Variants in SLC8A1 observed in about 807,000 individuals in gnomAD.
SLC8A1 encodes the protein sodium/calcium exchanger 1.
A neutral mutation model predicts 68.3 loss-of-function variants in SLC8A1; 18 were observed. The observed-to-expected ratio is 0.26, with a 90% CI of 0.18 to 0.39. The LOEUF (loss-of-function observed/expected upper bound fraction) is 0.39, where lower values mean the gene tolerates loss of function less well. Ranked by LOEUF, SLC8A1 falls within the 10% of genes least tolerant of loss-of-function variation. The pLI is 1.00. For synonymous variants in SLC8A1, 475 were observed against 415.5 expected (o/e 1.14, Z -1.74); for missense variants, 985 against 1,156.7 (o/e 0.85, Z 2.15).
chr2:40,179,942 A>G (rs536652896), intron 2 of SLC8A1, among the ~76,000 whole-genome samples: 7 of 152,282 alleles, frequency 4.6e-5, no homozygotes, highest in Non-Finnish European at 8.8e-5. Context: ...GAAACCCAAT[A>G]ACGTACTCTC....
chr2:40,398,487 A>G (rs1294093568), intron 2 of SLC8A1, among the ~76,000 whole-genome samples: 1 of 152,250 alleles, frequency 6.6e-6, no homozygotes, highest in African/African-American at 2.4e-5. Flanking sequence ...AAAGCAGAAT[A>G]TGTGGATAAA....
chr2:40,396,019 C>G (rs765148117), intron 2 of SLC8A1, among the ~76,000 whole-genome samples: 2 of 151,942 alleles, frequency 1.3e-5, no homozygotes, highest in Non-Finnish European at 2.9e-5. Flanking sequence ...CTATGCATTT[C>G]CTTTTAATTT....
chr2:40,478,083 CT>C (rs890085406), intron 1 of SLC8A1, among the ~76,000 whole-genome samples: 1 of 152,108 alleles, frequency 6.6e-6, no homozygotes, highest in African/African-American at 2.4e-5. Flanking sequence ...GTTTTACTTT[CT>C]TTTTTTCTTT....
At chr2:40,315,034 G>T (rs1392726080) in intron 2 of SLC8A1, among the ~76,000 whole-genome samples, 3 of 151,948 alleles carry the variant, frequency 2.0e-5, no homozygotes, top group Non-Finnish European at 4.4e-5. Flanking sequence ...TTGAATAAAA[G>T]TGGTGAGAGC....
chr2:40,254,432 C>G (rs1360168297), intron 2 of SLC8A1: 1 of 147,146 alleles, frequency 6.8e-6, no homozygotes, highest in African/African-American at 2.6e-5. Flanking sequence ...TATTTAGATC[C>G]TGCATCAGAC....
intron 2 of SLC8A1, among the ~76,000 whole-genome samples, chr2:40,270,092 C>G (rs927792074): frequency 1.9e-4 from 29 of 152,202 alleles, no homozygotes; most frequent in African/African-American, 6.8e-4. Context: ...CTCATGTAAG[C>G]TATGCTATCC....
intron 2 of SLC8A1, among the ~76,000 whole-genome samples, chr2:40,410,149 G>A (rs889913307): frequency 1.3e-5 from 2 of 151,976 alleles, no homozygotes; most frequent in African/African-American, 2.4e-5. Context: ...ATGACTCTTT[G>A]AAGTTTTAGA....
intron 2 of SLC8A1, among the ~76,000 whole-genome samples, chr2:40,275,180 C>G (rs1574987781): frequency 2.0e-5 from 3 of 152,226 alleles, no homozygotes; most frequent in Non-Finnish European, 4.4e-5. Context: ...TATTATGGAA[C>G]AAGCAACAGA....
At chr2:40,247,789 C>T (rs2062091274) in intron 2 of SLC8A1, among the ~76,000 whole-genome samples, 1 of 152,146 alleles carries the variant, frequency 6.6e-6, no homozygotes, top group Non-Finnish European at 1.5e-5. Context: ...AGGTGAGACC[C>T]AGTAGAAACC....
chr2:40,332,830 T>G (rs1043879106), intron 2 of SLC8A1, among the ~76,000 whole-genome samples: 1 of 152,240 alleles, frequency 6.6e-6, no homozygotes, highest in South Asian at 2.1e-4. Flanking sequence ...TGTTATCAGA[T>G]AAACAAACCA....
intron 7 of SLC8A1, among the ~76,000 whole-genome samples, chr2:40,133,310 A>G (rs1217527384): frequency 6.6e-6 from 1 of 151,750 alleles, no homozygotes; most frequent in Admixed American, 6.6e-5. Flanking sequence ...TCAGAAGTCG[A>G]AAAGTGTTGC....
At chr2:40,376,467 G>A (rs778406425) in intron 2 of SLC8A1, among the ~76,000 whole-genome samples, 1 of 152,040 alleles carries the variant, frequency 6.6e-6, no homozygotes, top group Non-Finnish European at 1.5e-5. Flanking sequence ...GCACAAAATA[G>A]ACATTGTAAA....
Position 40,101,286 on chromosome 2 carries a change from T to A in SLC8A1, c.*13967A>T, listed in dbSNP as rs569383834. 2.6e-5 allele frequency: 4 copies of A among 152,286 alleles called. No homozygotes were observed. The East Asian group carries it at 7.7e-4, about 29-fold the overall frequency. The allele number at this position is 152,286 out of a possible 1,614,324, so 9.4% of individuals were successfully genotyped here. ...AGTCTTTGAAAATGAATTCTAAAAC[T>A]AAAACTCACTCATAGCCAGCAATCC... On this transcript the variant is annotated 3_prime_UTR_variant, in exon 8 of 8. Coordinates refer to ENST00000406785, the Ensembl canonical transcript of SLC8A1.
intron 2 of SLC8A1, among the ~76,000 whole-genome samples, chr2:40,285,267 T>C (rs1396659846): frequency 6.6e-6 from 1 of 152,150 alleles, no homozygotes. Flanking sequence ...ATCACTACAA[T>C]ATACATCTGA....
chr2:40,355,333 T>A (rs1391752578), intron 2 of SLC8A1, among the ~76,000 whole-genome samples: 1 of 152,188 alleles, frequency 6.6e-6, no homozygotes, highest in East Asian at 1.9e-4. Context: ...AGGTCACTCA[T>A]CTGTAAAGTG....
At chr2:40,181,338 T>C (rs1303755052) in intron 2 of SLC8A1, among the ~76,000 whole-genome samples, 1 of 152,230 alleles carries the variant, frequency 6.6e-6, no homozygotes, top group Non-Finnish European at 1.5e-5. Flanking sequence ...GCATATAAAA[T>C]AAGCATTTAT....
At chr2:40,253,411 C>G in intron 2 of SLC8A1, among the ~76,000 whole-genome samples, 1 of 151,614 alleles carries the variant, frequency 6.6e-6, no homozygotes, top group Non-Finnish European at 1.5e-5. Context: ...ATGGATGGAA[C>G]TGGAGGACAT....
chr2:40,477,350 T>G (rs1704352444), intron 1 of SLC8A1, among the ~76,000 whole-genome samples: 1 of 152,176 alleles, frequency 6.6e-6, no homozygotes, highest in African/African-American at 2.4e-5. Context: ...TGAACACATG[T>G]GAGTAAATCA....
At chr2:40,486,844 G>C (rs1257956347) in intron 1 of SLC8A1, among the ~76,000 whole-genome samples, 2 of 149,618 alleles carry the variant, frequency 1.3e-5, no homozygotes, top group Non-Finnish European at 3.0e-5. Flanking sequence ...TTTACATTAG[G>C]TATATCTCCT....
Sources: gnomAD v4.1 joint callset for allele counts (sites outside exome capture counted in the v4.1 genomes callset) on GRCh38, gnomAD v4.1.1 for gene constraint, MANE v1.5 for transcripts, NCBI Gene and HGNC (gene_info 2026-07-23, HGNC 2026-07-21) for gene names.